Variants in ATP9B observed in about 807,000 individuals in gnomAD.
ATP9B encodes ATPase phospholipid transporting 9B.
In ATP9B, 110 loss-of-function variants were observed where a neutral mutation model predicts 146.1. The ratio of observed to expected loss-of-function variants is 0.75; its 90% CI spans 0.65 to 0.88. The LOEUF is 0.88. ATP9B is among the 40% of genes least tolerant of loss of function. The probability of loss-of-function intolerance (pLI) is 0.00; values close to 1 mark genes in which losing one functional copy is unlikely to be tolerated. For missense variants in ATP9B, 1,499 were observed against 1,496.4 expected, an observed-to-expected ratio of 1.00 and a Z score of -0.03; for synonymous variants, 604 against 569.7, an observed-to-expected ratio of 1.06 and a Z score of -0.86.
At chr18:79,095,358 T>C (rs1239896169) in intron 1 of ATP9B, among the ~76,000 whole-genome samples, 1 of 152,134 alleles carries the variant, frequency 6.6e-6, no homozygotes, top group Non-Finnish European at 1.5e-5. Flanking sequence ...TTAGACTCTT[T>C]CTGGGTATAA....
At chr18:79,346,665 C>G (rs1040460486) in intron 23 of ATP9B, among the ~76,000 whole-genome samples, 5 of 143,088 alleles carry the variant, frequency 3.5e-5, no homozygotes, top group African/African-American at 1.0e-4. Context: ...GTGTTCAGTG[C>G]ACAGTCAGCA....
At chr18:79,101,126 G>C (rs1296517450) in intron 2 of ATP9B, among the ~76,000 whole-genome samples, 1 of 151,920 alleles carries the variant, frequency 6.6e-6, no homozygotes, top group Non-Finnish European at 1.5e-5. Context: ...AGTTCTCGGT[G>C]ATTTCATCAG....
rs540590155 is a variant in ATP9B, at chr18:79,368,963, G to A, written c.3013-3862G>A. On this transcript the variant is annotated intron_variant, in intron 26 of 29. Transcript: ENST00000426216. ...CCAGTTAATTGGGGCTTCTCTCCCC[G>A]GCGCCACCGTGAGCACCGTCCTTCC... Among the ~76,000 whole-genome samples the A allele has an allele frequency of 7.5e-5, 11 of 147,048 alleles. No homozygotes were observed. In the South Asian group the frequency reaches 2.4e-3, roughly 32 times the overall value.
At chr18:79,076,433 G>A (rs148960813) in intron 1 of ATP9B, among the ~76,000 whole-genome samples, 126 of 152,276 alleles carry the variant, frequency 8.3e-4, no homozygotes, top group African/African-American at 2.8e-3. Context: ...ACGGAATTCG[G>A]AGTTGACAGT....
intron 5 of ATP9B, among the ~76,000 whole-genome samples, chr18:79,128,968 C>T (rs2094333651): frequency 1.3e-5 from 2 of 152,182 alleles, no homozygotes; most frequent in South Asian, 4.1e-4. Context: ...TAACAGGGCA[C>T]TAATCTTGAA....
chr18:79,331,778 A>C (rs1446263592), intron 17 of ATP9B, among the ~76,000 whole-genome samples: 1 of 152,100 alleles, frequency 6.6e-6, no homozygotes, highest in Non-Finnish European at 1.5e-5. Context: ...CCTGAGATGT[A>C]AGAATATGTA....
At chr18:79,212,431 C>A (rs1473590231) in intron 10 of ATP9B, among the ~76,000 whole-genome samples, 1 of 152,216 alleles carries the variant, frequency 6.6e-6, no homozygotes, top group African/African-American at 2.4e-5. Flanking sequence ...ATCAGTCAAC[C>A]TGCTTTCAGC....
chr18:79,217,118 C>T (rs766950915), intron 11 of ATP9B, among the ~76,000 whole-genome samples: 3 of 152,226 alleles, frequency 2.0e-5, no homozygotes, highest in East Asian at 1.9e-4. Flanking sequence ...CAAGACAAAG[C>T]GCTGCTGATA....
chr18:79,244,284 C>T (rs1442030512), intron 11 of ATP9B, among the ~76,000 whole-genome samples: 1 of 152,180 alleles, frequency 6.6e-6, no homozygotes, highest in Non-Finnish European at 1.5e-5. Context: ...TGCAAGGACT[C>T]ACTTTGCTTG....
intron 15 of ATP9B, among the ~76,000 whole-genome samples, chr18:79,314,111 A>G (rs1057119601): frequency 3.3e-4 from 51 of 152,336 alleles, no homozygotes; most frequent in South Asian, 1.0e-3. Flanking sequence ...ATTTAGGGAA[A>G]TGGTTCAATT....
At chr18:79,276,679 G>A (rs950507061) in intron 12 of ATP9B, among the ~76,000 whole-genome samples, 6 of 152,176 alleles carry the variant, frequency 3.9e-5, no homozygotes, top group African/African-American at 1.4e-4. Context: ...AGACTGTCTT[G>A]AAGGACAGAA....
intron 7 of ATP9B, among the ~76,000 whole-genome samples, chr18:79,163,869 T>TACACACACACACACACACACAC (rs56408063): frequency 1.3e-3 from 179 of 142,774 alleles, no homozygotes; most frequent in Non-Finnish European, 2.1e-3. Context: ...TTTTATTTTA[T>TACACACACACACACACACACAC]ACACACACAC....
chr18:79,072,708 C>CA (rs1257467332), intron 1 of ATP9B, among the ~76,000 whole-genome samples: 1 of 86,538 alleles, frequency 1.2e-5, no homozygotes, highest in African/African-American at 3.9e-5. Context: ...GGCGCCCCCC[C>CA]ACCTCCCAGA....
intron 15 of ATP9B, among the ~76,000 whole-genome samples, chr18:79,322,813 T>G (rs1273158154): frequency 6.6e-6 from 1 of 152,232 alleles, no homozygotes; most frequent in East Asian, 1.9e-4. Context: ...GGTCAAATTC[T>G]AGGTGCCTCC....
At chr18:79,338,607 G>A (rs1251189962) in intron 19 of ATP9B, among the ~76,000 whole-genome samples, 4 of 152,330 alleles carry the variant, frequency 2.6e-5, no homozygotes, top group African/African-American at 9.6e-5. Flanking sequence ...TCCCCCAGAT[G>A]CTGTGTGGCG....
chr18:79,140,034 A>G (rs1483293651), intron 5 of ATP9B, among the ~76,000 whole-genome samples: 1 of 152,216 alleles, frequency 6.6e-6, no homozygotes, highest in Non-Finnish European at 1.5e-5. Flanking sequence ...CACATTATTT[A>G]CAGGTATATA....
chr18:79,225,973 T>TC (rs1404030914), intron 11 of ATP9B, among the ~76,000 whole-genome samples: 4 of 152,232 alleles, frequency 2.6e-5, no homozygotes, highest in Admixed American at 2.6e-4. Context: ...TATTCTTGGC[T>TC]CCCCCATTGT....
At chr18:79,086,532 A>G (rs1050075261) in intron 1 of ATP9B, 1 of 149,220 alleles carries the variant, frequency 6.7e-6, no homozygotes, top group Non-Finnish European at 1.5e-5. Flanking sequence ...TTTTACACCT[A>G]ATAGTATTAG....
chr18:79,318,317 C>G (rs960382090), intron 15 of ATP9B, among the ~76,000 whole-genome samples: 6 of 152,226 alleles, frequency 3.9e-5, no homozygotes, highest in African/African-American at 1.4e-4. Context: ...AGTGAAAAGT[C>G]GTGTTGCTAG....
Sources: gnomAD v4.1 joint callset for allele counts (sites outside exome capture counted in the v4.1 genomes callset) on GRCh38, gnomAD v4.1.1 for gene constraint, MANE v1.5 for transcripts, NCBI Gene and HGNC (gene_info 2026-07-23, HGNC 2026-07-21) for gene names.